Variants in IL1RAPL1 observed in about 807,000 individuals in gnomAD.
IL1RAPL1 encodes the protein interleukin 1 receptor accessory protein like 1, also known as interleukin-1 receptor accessory protein-like 1.
In IL1RAPL1, 3 loss-of-function variants were observed where a neutral mutation model predicts 48.4. That is an observed-to-expected ratio of 0.06 (90% CI 0.03 to 0.16). The LOEUF is 0.16. Ranked by LOEUF, IL1RAPL1 falls within the 10% of genes least tolerant of loss-of-function variation. The probability of loss-of-function intolerance (pLI) is 1.00; values close to 1 mark genes in which losing one functional copy is unlikely to be tolerated. For synonymous variants in IL1RAPL1, 185 were observed against 187.7 expected (o/e 0.99, Z 0.12); for missense variants, 349 against 530.6 (o/e 0.66, Z 3.36).
chrX:29,574,924 A>G (rs1226318979), intron 5 of IL1RAPL1, among the ~76,000 whole-genome samples: 1 of 112,105 alleles, frequency 8.9e-6, no homozygotes, highest in Non-Finnish European at 1.9e-5. Flanking sequence ...GCTGAAGCAT[A>G]ACAAGAGTGA....
At chrX:29,312,188 CCTGTG>C (rs1366420476) in intron 3 of IL1RAPL1, among the ~76,000 whole-genome samples, 1 of 111,437 alleles carries the variant, frequency 9.0e-6, no homozygotes, top group African/African-American at 3.3e-5. Flanking sequence ...GCCTGTAATC[CCTGTG>C]CTTTGGGAGG....
chrX:29,096,596 A>C (rs1928219891), intron 2 of IL1RAPL1, among the ~76,000 whole-genome samples: 1 of 111,511 alleles, frequency 9.0e-6, no homozygotes, highest in Admixed American at 9.6e-5. Context: ...GTTTTAAAAT[A>C]ATCTATTTAG....
intron 2 of IL1RAPL1, among the ~76,000 whole-genome samples, chrX:29,150,938 A>AG (rs1929454701): frequency 1.9e-5 from 2 of 107,005 alleles, no homozygotes; most frequent in South Asian, 8.2e-4. Context: ...AAAAAAAAAG[A>AG]AAAAAAAAGA....
chrX:28,668,697 A>G (rs917277917), intron 1 of IL1RAPL1, among the ~76,000 whole-genome samples: 2 of 112,652 alleles, frequency 1.8e-5, no homozygotes, highest in African/African-American at 6.4e-5. Context: ...CATCTATTCA[A>G]CTGTAACTCT....
At chrX:29,677,805 G>A (rs756986989) in intron 6 of IL1RAPL1, among the ~76,000 whole-genome samples, 1 of 112,187 alleles carries the variant, frequency 8.9e-6, no homozygotes, top group South Asian at 3.7e-4. Flanking sequence ...CTAATTCTTT[G>A]AAAATATATT....
chrX:29,297,061 T>C (rs1015344789), intron 3 of IL1RAPL1, among the ~76,000 whole-genome samples: 3 of 112,041 alleles, frequency 2.7e-5, no homozygotes, highest in African/African-American at 9.7e-5. Flanking sequence ...CTATCAATTT[T>C]TTCTCATGAA....
intron 2 of IL1RAPL1, among the ~76,000 whole-genome samples, chrX:28,845,281 A>G (rs1235281481): frequency 1.8e-5 from 2 of 111,807 alleles, no homozygotes; most frequent in Non-Finnish European, 3.8e-5. Context: ...TAAACAAGCC[A>G]TATTGAAATT....
intron 2 of IL1RAPL1, among the ~76,000 whole-genome samples, chrX:28,967,314 A>C (rs2147366412): frequency 9.0e-6 from 1 of 111,327 alleles, no homozygotes; most frequent in South Asian, 3.8e-4. Flanking sequence ...CAGTTTCATA[A>C]GTCTTATATT....
intron 2 of IL1RAPL1, among the ~76,000 whole-genome samples, chrX:28,807,233 T>TA (rs1219961371): frequency 9.0e-6 from 1 of 111,605 alleles, no homozygotes; most frequent in Non-Finnish European, 1.9e-5. Flanking sequence ...AAACTCTGTG[T>TA]AATAATGTTC....
chrX:29,894,295 C>T (rs1203950095), intron 6 of IL1RAPL1, among the ~76,000 whole-genome samples: 1 of 111,909 alleles, frequency 8.9e-6, no homozygotes, highest in Non-Finnish European at 1.9e-5. Context: ...GGAGAAAGAA[C>T]GTTGAAAATT....
chrX:29,629,242 C>A (rs1415040145), intron 5 of IL1RAPL1, among the ~76,000 whole-genome samples: 1 of 111,373 alleles, frequency 9.0e-6, no homozygotes, highest in Non-Finnish European at 1.9e-5. Flanking sequence ...AATAAAATTC[C>A]TAAGAAAGAA....
intron 6 of IL1RAPL1, among the ~76,000 whole-genome samples, chrX:29,854,022 G>A (rs192601547): frequency 1.8e-3 from 206 of 111,916 alleles, no homozygotes; most frequent in African/African-American, 6.4e-3. Flanking sequence ...AGGGAATCTC[G>A]CTGTATCTAA....
chrX:29,644,541 C>T lies in IL1RAPL1; in HGVS notation c.704-23889C>T, dbSNP rs1183727266. Reference sequence around the variant, plus strand: ...AATCTTTTTATTAAACATTGTCTATCATGTGTTTTTTTTTTTGTTTTGTTT... The same window carrying T: ...AATCTTTTTATTAAACATTGTCTATTATGTGTTTTTTTTTTTGTTTTGTTT... On this transcript the variant is annotated intron_variant, in intron 5 of 10. Transcript: ENST00000378993. Among the ~76,000 whole-genome samples, 2 of 106,657 alleles carry T rather than the reference C, an allele frequency of 1.9e-5. 1 individual carries two copies. Among genetic ancestry groups the T allele is most frequent in the Admixed American group, 2.0e-4 (2 of 10,061 alleles). The allele number at this position is 106,657 out of a possible 115,157, so 92.6% of individuals were successfully genotyped here. A position where few individuals can be genotyped will look rare whatever the true frequency, so the allele number is the denominator to read the frequency against.
At position 29,270,337 on chromosome X, in the gene IL1RAPL1, T is replaced by G. The variant is rs1400524804; in HGVS notation, c.83-12601T>G. Among the ~76,000 whole-genome samples, 5 of 112,124 alleles carry G rather than the reference T, an allele frequency of 4.5e-5. 1 individual carries two copies. Among genetic ancestry groups the G allele is most frequent in the Non-Finnish European group, 9.4e-5 (5 of 53,138 alleles). On this transcript the variant is annotated intron_variant, in intron 2 of 10. Coordinates refer to ENST00000378993, the MANE Select transcript of IL1RAPL1 (RefSeq NM_014271.4). ...TGAGTTATGCTTTTGGTGTCTTATC[T>G]AAGAAACCTTTGCCTAATCCAAAGT...
chrX:29,805,384 A>G (rs1569175067), intron 6 of IL1RAPL1, among the ~76,000 whole-genome samples: 1 of 109,437 alleles, frequency 9.1e-6, no homozygotes, highest in Admixed American at 9.9e-5. Context: ...CAAGCTTCCT[A>G]TTAGTTACAC....
intron 6 of IL1RAPL1, among the ~76,000 whole-genome samples, chrX:29,855,177 A>T (rs1931453402): frequency 8.9e-6 from 1 of 111,880 alleles, no homozygotes; most frequent in African/African-American, 3.3e-5. Flanking sequence ...TACCCCAGAT[A>T]GTGAATTTCT....
chrX:28,830,182 T>C (rs1030468104), intron 2 of IL1RAPL1, among the ~76,000 whole-genome samples: 4 of 111,775 alleles, frequency 3.6e-5, no homozygotes, highest in Admixed American at 9.5e-5. Flanking sequence ...TCATCATCTT[T>C]GATGTTTTGG....
chrX:29,336,600 T>C (rs2147642108), intron 3 of IL1RAPL1, among the ~76,000 whole-genome samples: 1 of 110,408 alleles, frequency 9.1e-6, no homozygotes, highest in Non-Finnish European at 1.9e-5. Flanking sequence ...AATCAAGGTA[T>C]TTTGTGACAT....
At chrX:28,888,968 G>C (rs935184217) in intron 2 of IL1RAPL1, among the ~76,000 whole-genome samples, 2 of 110,813 alleles carry the variant, frequency 1.8e-5, no homozygotes, top group Non-Finnish European at 3.8e-5. Context: ...TATTGTGTAA[G>C]TAGCAAAAAC....
Sources: gnomAD v4.1 joint callset for allele counts (sites outside exome capture counted in the v4.1 genomes callset) on GRCh38, gnomAD v4.1.1 for gene constraint, MANE v1.5 for transcripts, NCBI Gene and HGNC (gene_info 2026-07-23, HGNC 2026-07-21) for gene names.